MYCT1: variants seen among roughly 807,000 people sequenced by gnomAD.
The protein encoded by MYCT1 is myc target protein 1.
A neutral mutation model predicts 15.0 loss-of-function variants in MYCT1; 12 were observed. That is an observed-to-expected ratio of 0.80 (90% CI 0.51 to 1.29). The LOEUF (loss-of-function observed/expected upper bound fraction) is 1.29. Among genes scored for constraint, MYCT1 ranks in the 50% most tolerant of loss-of-function variants. The probability of loss-of-function intolerance (pLI) is 0.00; values close to 1 mark genes in which losing one functional copy is unlikely to be tolerated. For missense variants in MYCT1, 287 were observed against 279.1 expected (o/e 1.03, Z -0.20); for synonymous variants, 104 against 102.7 (o/e 1.01, Z -0.07).
chr6:152,742,726 TC>T, the MYCT1 span, among the ~76,000 whole-genome samples: 12 of 152,286 alleles, frequency 7.9e-5, no homozygotes, highest in South Asian at 2.1e-4. Context: ...GAACTTGGAA[TC>T]CCACATTGAT....
chr6:152,700,560 C>T (rs2099721130), intron 1 of MYCT1, among the ~76,000 whole-genome samples: 1 of 152,104 alleles, frequency 6.6e-6, no homozygotes, highest in Non-Finnish European at 1.5e-5. Context: ...CATTTAAGTG[C>T]AAGGGTTGGC....
intron 1 of MYCT1, chr6:152,706,045 C>CA: frequency 8.3e-7 from 1 of 1,203,998 alleles, no homozygotes; most frequent in Non-Finnish European, 1.2e-6. Flanking sequence ...ATTGTAGTCA[C>CA]AAAAATTCCT....
At chr6:152,742,098 G>GC in the MYCT1 span, among the ~76,000 whole-genome samples, 19 of 152,294 alleles carry the variant, frequency 1.2e-4, no homozygotes, top group African/African-American at 4.6e-4. Flanking sequence ...ACAGCAACAT[G>GC]CTTTTGCATG....
Position 152,712,495 on chromosome 6 carries a change from C to T in MYCT1, c.197-9247C>T, listed in dbSNP as rs1216372510. On this transcript the variant is annotated intron_variant, in intron 1 of 1. Coordinates refer to ENST00000367245, the MANE Select transcript of MYCT1 (RefSeq NM_025107.3). ...GCCTCGCCCTGCTTCGGCTCGCGCACGGTGCGCACACACACTGGCCTGCGC... is the reference window on the plus strand; with the variant it reads ...GCCTCGCCCTGCTTCGGCTCGCGCATGGTGCGCACACACACTGGCCTGCGC... 2.5e-4 allele frequency among the ~76,000 whole-genome samples: 18 copies of T among 72,176 alleles called. 8 individuals are homozygous for T. The highest frequency in any genetic ancestry group is 5.3e-4 in the Non-Finnish European group (16 of 30,258). The allele number at this position is 72,176 out of a possible 152,430, so 47.4% of individuals were successfully genotyped here.
At chr6:152,744,622 G>A in the MYCT1 span, among the ~76,000 whole-genome samples, 1 of 152,158 alleles carries the variant, frequency 6.6e-6, no homozygotes, top group Admixed American at 6.5e-5. Context: ...CTTGCGGGAG[G>A]AATGTAGTCT....
At chr6:152,700,386 G>A (rs2099721107) in intron 1 of MYCT1, among the ~76,000 whole-genome samples, 1 of 152,040 alleles carries the variant, frequency 6.6e-6, no homozygotes, top group African/African-American at 2.4e-5. Flanking sequence ...TTGCTCAGAC[G>A]TAGCACACTT....
At chr6:152,704,145 T>C (rs772499765) in intron 1 of MYCT1, among the ~76,000 whole-genome samples, 15 of 151,798 alleles carry the variant, frequency 9.9e-5, no homozygotes, top group Admixed American at 2.0e-4. Flanking sequence ...TACAGGTGTA[T>C]GTCACCGCAC....
chr6:152,721,063 A>G (rs966833967), intron 1 of MYCT1, among the ~76,000 whole-genome samples: 1 of 152,182 alleles, frequency 6.6e-6, no homozygotes, highest in Non-Finnish European at 1.5e-5. Context: ...CATCATCACA[A>G]GGGCGTAACA....
chr6:152,726,770 A>G (rs2099725738), downstream of MYCT1, among the ~76,000 whole-genome samples: 1 of 152,096 alleles, frequency 6.6e-6, no homozygotes, highest in African/African-American at 2.4e-5. Flanking sequence ...TTTCAGGAGG[A>G]CAGCCTGGCA....
intron 1 of MYCT1, among the ~76,000 whole-genome samples, chr6:152,716,695 C>T (rs1047032883): frequency 6.6e-6 from 1 of 152,118 alleles, no homozygotes; most frequent in African/African-American, 2.4e-5. Context: ...AGCCAGTGTT[C>T]GTTGAGGGCT....
intron 1 of MYCT1, among the ~76,000 whole-genome samples, chr6:152,704,374 C>T (rs535498292): frequency 6.6e-5 from 10 of 152,250 alleles, no homozygotes; most frequent in Admixed American, 6.5e-4. Flanking sequence ...AAGGCTATTG[C>T]TGAGATCTCC....
intron 1 of MYCT1, among the ~76,000 whole-genome samples, chr6:152,701,754 G>T (rs2099721365): frequency 6.6e-6 from 1 of 152,152 alleles, no homozygotes; most frequent in Admixed American, 6.5e-5. Flanking sequence ...TGGCTCACAT[G>T]ATCTGTGTAA....
chr6:152,734,102 C>T, the MYCT1 span, among the ~76,000 whole-genome samples: 1 of 151,996 alleles, frequency 6.6e-6, no homozygotes, highest in Non-Finnish European at 1.5e-5. Flanking sequence ...CTCTGCTTTT[C>T]TTATGCTGTG....
intron 1 of MYCT1, among the ~76,000 whole-genome samples, chr6:152,702,666 TA>T: frequency 6.6e-6 from 1 of 152,322 alleles, no homozygotes; most frequent in East Asian, 1.9e-4. Flanking sequence ...GGAACAGGTT[TA>T]TGGCCTGGGC....
rs1352744454 is a variant in MYCT1 at position 152,724,263 on chromosome 6, A to G, written c.*2010A>G. The G allele has an allele frequency of 7.0e-6, 1 of 143,242 alleles. No individual in the cohort carries two copies. The highest frequency in any genetic ancestry group is 2.6e-5 in the African/African-American group (1 of 38,572). 8.9% of individuals were successfully genotyped at this position (143,242 alleles called of 1,614,324 possible). On this transcript the variant is annotated 3_prime_UTR_variant, in exon 2 of 2. Transcript: ENST00000367245. The stretch of plus-strand genomic sequence containing the variant: ...TTTTTTTTTTTTTTACTTGCATGTC[A>G]TCCTTAATGTCTAACATGAAAAATC...
At chr6:152,704,503 T>C (rs1211690584) in intron 1 of MYCT1, among the ~76,000 whole-genome samples, 1 of 152,184 alleles carries the variant, frequency 6.6e-6, no homozygotes, top group East Asian at 1.9e-4. Context: ...ACTTATGGGG[T>C]ACAGAGTGAA....
chr6:152,727,624 T>C (rs543743775), downstream of MYCT1, among the ~76,000 whole-genome samples: 9 of 152,282 alleles, frequency 5.9e-5, no homozygotes, highest in East Asian at 1.9e-4. Context: ...TGCACTAGCA[T>C]ATGTGGTGGC....
chr6:152,704,910 A>G (rs2099721994), intron 1 of MYCT1, among the ~76,000 whole-genome samples: 1 of 152,172 alleles, frequency 6.6e-6, no homozygotes, highest in Non-Finnish European at 1.5e-5. Context: ...CAAGTATAAG[A>G]AATAATTTCA....
chr6:152,720,747 T>C (rs1057293547), intron 1 of MYCT1, among the ~76,000 whole-genome samples: 2 of 151,878 alleles, frequency 1.3e-5, no homozygotes, highest in Admixed American at 6.6e-5. Flanking sequence ...GGTTAGATCA[T>C]GGAGGGGAAA....
Sources: gnomAD v4.1 joint callset for allele counts (sites outside exome capture counted in the v4.1 genomes callset) on GRCh38, gnomAD v4.1.1 for gene constraint, MANE v1.5 for transcripts, NCBI Gene and HGNC (gene_info 2026-07-23, HGNC 2026-07-21) for gene names.